The following DLGAP2 variants were observed in gnomAD, a reference collection of about 807,000 sequenced individuals.
DLGAP2 encodes the protein disks large-associated protein 2.
A neutral mutation model predicts 100.3 loss-of-function variants in DLGAP2; 26 were observed. That is an observed-to-expected ratio of 0.26 (90% CI 0.19 to 0.36). The LOEUF is 0.36. Ranked by LOEUF, DLGAP2 falls within the 10% of genes least tolerant of loss-of-function variation. The pLI is 1.00. For missense variants in DLGAP2, 1,858 were observed against 1,453.2 expected, an observed-to-expected ratio of 1.28 and a Z score of -4.53; for synonymous variants, 886 against 630.1, an observed-to-expected ratio of 1.41 and a Z score of -6.08.
At position 1,167,880 on chromosome 8, in the gene DLGAP2, G is replaced by C. The variant is rs185582621; in HGVS notation, c.74-90971G>C. ...ACACGTTAGCAAGTACTTAACCTGA[G>C]TCCATTTTTTTTTATTATACTTTAA... On this transcript the variant is annotated intron_variant, in intron 2 of 14. Coordinates refer to ENST00000637795, the MANE Select transcript of DLGAP2 (RefSeq NM_001346810.2). 5.3e-3 allele frequency among the ~76,000 whole-genome samples: 766 copies of C among 145,810 alleles called. 3 individuals carry two copies. The highest frequency in any genetic ancestry group is 8.8e-3 in the Non-Finnish European group (568 of 64,648).
At chr8:947,432 CCT>C (rs1799355961) in intron 2 of DLGAP2, among the ~76,000 whole-genome samples, 1 of 152,210 alleles carries the variant, frequency 6.6e-6, no homozygotes, top group Non-Finnish European at 1.5e-5. Flanking sequence ...GCGACAGGCC[CCT>C]TACGTCCGCG....
At chr8:1,237,816 G>T (rs1798698247) in intron 2 of DLGAP2, among the ~76,000 whole-genome samples, 1 of 10,366 alleles carries the variant, frequency 9.6e-5, no homozygotes, top group South Asian at 2.8e-3. Context: ...CTCTCACACA[G>T]AGCATCGTGT....
At position 1,276,933 on chromosome 8, in the gene DLGAP2, G is replaced by A. The variant is rs139641936; in HGVS notation, c.106+18050G>A. 4.2e-3 allele frequency among the ~76,000 whole-genome samples: 642 copies of A among 152,200 alleles called. 5 individuals carry two copies. Among genetic ancestry groups the A allele is most frequent in the South Asian group, 0.023 (113 of 4,812 alleles). On this transcript the variant is annotated intron_variant, in intron 3 of 14. Transcript: ENST00000637795. ...GCAAGGAATAGGTGTTTGTTTTATG[G>A]AATCATATAACATCACATATGTTCC... is the stretch of plus-strand genomic sequence containing the variant.
At chr8:1,157,531 C>T (rs551102986) in intron 2 of DLGAP2, among the ~76,000 whole-genome samples, 2 of 152,298 alleles carry the variant, frequency 1.3e-5, no homozygotes, top group East Asian at 1.9e-4. Flanking sequence ...ATTACGTGGG[C>T]CTTTCAGAAC....
At chr8:1,415,258 A>G (rs1796849427) in intron 3 of DLGAP2, among the ~76,000 whole-genome samples, 1 of 152,132 alleles carries the variant, frequency 6.6e-6, no homozygotes, top group Non-Finnish European at 1.5e-5. Flanking sequence ...TTTCACTTTT[A>G]ATTATTTTCT....
At chr8:1,665,611 A>T (rs951985763) in intron 8 of DLGAP2, among the ~76,000 whole-genome samples, 1 of 152,142 alleles carries the variant, frequency 6.6e-6, no homozygotes, top group Non-Finnish European at 1.5e-5. Context: ...TACTACCCCT[A>T]TTGCTGGGAC....
chr8:1,244,358 C>T (rs537964890), intron 2 of DLGAP2, among the ~76,000 whole-genome samples: 1 of 152,238 alleles, frequency 6.6e-6, no homozygotes, highest in Admixed American at 6.5e-5. Flanking sequence ...TGGCTGAGCA[C>T]ATGTGTTAAA....
At chr8:1,648,671 G>A (rs1226839470) in intron 8 of DLGAP2, among the ~76,000 whole-genome samples, 1 of 152,172 alleles carries the variant, frequency 6.6e-6, no homozygotes, top group South Asian at 2.1e-4. Context: ...GTGTTCTGCA[G>A]CTGCTCAGAG....
At chr8:961,021 G>A (rs1799712943) in intron 2 of DLGAP2, among the ~76,000 whole-genome samples, 1 of 152,204 alleles carries the variant, frequency 6.6e-6, no homozygotes, top group Non-Finnish European at 1.5e-5. Flanking sequence ...TTGGAGAAGG[G>A]ATTCTGCACA....
At chr8:1,061,855 C>T (rs945884669) in intron 2 of DLGAP2, among the ~76,000 whole-genome samples, 2 of 152,060 alleles carry the variant, frequency 1.3e-5, no homozygotes, top group Non-Finnish European at 2.9e-5. Context: ...CTGGGAGGAG[C>T]TGCTCTGTGT....
At chr8:1,296,100 G>C (rs145135699) in intron 3 of DLGAP2, 1,539 of 152,224 alleles carry the variant, frequency 0.01, 12 homozygotes, top group Middle Eastern at 0.031. Context: ...AACCTTTCCC[G>C]AGTGTTGATT....
At chr8:1,152,798 T>C (rs1796718532) in intron 2 of DLGAP2, among the ~76,000 whole-genome samples, 1 of 152,156 alleles carries the variant, frequency 6.6e-6, no homozygotes, top group South Asian at 2.1e-4. Context: ...CAAACCTACA[T>C]CACATTTTGC....
intron 6 of DLGAP2, among the ~76,000 whole-genome samples, chr8:1,617,066 A>C (rs148537823): frequency 6.6e-6 from 1 of 152,194 alleles, no homozygotes; most frequent in Non-Finnish European, 1.5e-5. Flanking sequence ...ACATGATCTC[A>C]TTCTTTTTTA....
intron 1 of DLGAP2, among the ~76,000 whole-genome samples, chr8:745,074 G>A (rs1032722372): frequency 4.6e-5 from 7 of 152,184 alleles, no homozygotes; most frequent in African/African-American, 9.7e-5. Context: ...TGAATGCCTC[G>A]TTACGCCACC....
intron 6 of DLGAP2, among the ~76,000 whole-genome samples, chr8:1,589,789 G>C (rs1316877725): frequency 6.6e-6 from 1 of 152,150 alleles, no homozygotes; most frequent in African/African-American, 2.4e-5. Flanking sequence ...GTTAGCACCG[G>C]GGAATCCCTT....
intron 3 of DLGAP2, among the ~76,000 whole-genome samples, chr8:1,271,103 A>G (rs1799573801): frequency 6.6e-6 from 1 of 152,158 alleles, no homozygotes; most frequent in African/African-American, 2.4e-5. Context: ...ATTTTGGCAA[A>G]CTAACCATTA....
intron 3 of DLGAP2, among the ~76,000 whole-genome samples, chr8:1,273,568 C>G (rs911235205): frequency 6.6e-6 from 1 of 152,208 alleles, no homozygotes; most frequent in Non-Finnish European, 1.5e-5. Flanking sequence ...CTGCTTCAGA[C>G]GTGCCGTGAC....
chr8:1,304,552 AC>A (rs536172450), intron 3 of DLGAP2, among the ~76,000 whole-genome samples: 9 of 152,342 alleles, frequency 5.9e-5, no homozygotes, highest in Admixed American at 4.6e-4. Context: ...TCTGAAGCCA[AC>A]TTTGTTTTAA....
intron 3 of DLGAP2, among the ~76,000 whole-genome samples, chr8:1,387,551 C>T (rs1262907177): frequency 6.6e-6 from 1 of 152,194 alleles, no homozygotes; most frequent in Non-Finnish European, 1.5e-5. Context: ...GTGAGTGTAT[C>T]TGACGCCACT....
Sources: allele counts gnomAD v4.1 joint callset (sites outside exome capture counted in the v4.1 genomes callset), GRCh38; gene constraint gnomAD v4.1.1; transcripts MANE v1.5; gene names NCBI Gene and HGNC (gene_info 2026-07-23, HGNC 2026-07-21).